The following EFCAB5 variants were observed in gnomAD, a reference collection of about 807,000 sequenced individuals.
EFCAB5 encodes EF-hand calcium-binding domain-containing protein 5.
Under a neutral mutation model 167.9 loss-of-function variants are expected in EFCAB5, and 131 were observed. The observed-to-expected ratio is 0.78, with a 90% CI of 0.68 to 0.90. The LOEUF (loss-of-function observed/expected upper bound fraction) is 0.90, where lower values mean the gene tolerates loss of function less well. EFCAB5 is among the 40% of genes least tolerant of loss of function. The pLI is 0.00. For synonymous variants in EFCAB5, 574 were observed against 602.8 expected, an observed-to-expected ratio of 0.95 and a Z score of 0.70; for missense variants, 1,663 against 1,745.2, an observed-to-expected ratio of 0.95 and a Z score of 0.84.
In EFCAB5 at chr17:30,108,194, T is replaced by A; in HGVS notation, c.*170T>A. The A allele has an allele frequency of 1.5e-6, 1 of 685,656 alleles. No individual in the cohort carries two copies. Among genetic ancestry groups the A allele is most frequent in the African/African-American group, 1.9e-5 (1 of 52,848 alleles). The allele number at this position is 685,656 out of a possible 1,614,324, so 42.5% of individuals were successfully genotyped here. A position where few individuals can be genotyped will look rare whatever the true frequency, so the allele number is the denominator to read the frequency against. The stretch of plus-strand genomic sequence containing the variant: ...CCCAAAAGTGCTACCTAAGAAGAAA[T>A]TTAGCCAAAAAATACCCAGCTAAGG... On this transcript the variant is annotated 3_prime_UTR_variant, in exon 23 of 23. Coordinates refer to ENST00000394835, the MANE Select transcript of EFCAB5 (RefSeq NM_198529.4).
At chr17:30,065,241 T>C (rs1489723708) in intron 14 of EFCAB5, among the ~76,000 whole-genome samples, 2 of 152,006 alleles carry the variant, frequency 1.3e-5, no homozygotes, top group Non-Finnish European at 2.9e-5. Flanking sequence ...GAACAAAGGA[T>C]ATAGAAAGCA....
chr17:29,950,158 C>T (rs145176973), intron 3 of EFCAB5, among the ~76,000 whole-genome samples: 8 of 152,316 alleles, frequency 5.3e-5, no homozygotes, highest in African/African-American at 1.9e-4. Flanking sequence ...CCTCTTCCTC[C>T]TCTCCTCAGT....
intron 4 of EFCAB5, among the ~76,000 whole-genome samples, chr17:29,990,191 A>C (rs756273649): frequency 5.3e-5 from 8 of 152,218 alleles, no homozygotes; most frequent in Non-Finnish European, 1.0e-4. Flanking sequence ...ACTATGTTAA[A>C]TTGAGCGGGT....
At chr17:29,975,466 AG>A (rs1490153325) in intron 4 of EFCAB5, among the ~76,000 whole-genome samples, 23 of 152,250 alleles carry the variant, frequency 1.5e-4, no homozygotes, top group African/African-American at 5.5e-4. Context: ...CATGTTGGCC[AG>A]GCTGGTCTCG....
chr17:29,971,112 T>C lies in EFCAB5; in HGVS notation c.767+1745T>C, dbSNP rs369763750. The stretch of plus-strand genomic sequence containing the variant: ...GATTTTAATGTAGGTTTTGTATCTC[T>C]TTTATTAGATTCATTACTAGTTATT... On this transcript the variant is annotated intron_variant, in intron 4 of 22. Coordinates refer to ENST00000394835, the MANE Select transcript of EFCAB5 (RefSeq NM_198529.4). Among the ~76,000 whole-genome samples the C allele has an allele frequency of 1.3e-4, 20 of 152,126 alleles. No individual in the cohort carries two copies. The South Asian group carries it at 2.5e-3, about 19-fold the overall frequency.
intron 7 of EFCAB5, among the ~76,000 whole-genome samples, chr17:30,013,461 T>C (rs2068955818): frequency 6.6e-6 from 1 of 151,978 alleles, no homozygotes; most frequent in African/African-American, 2.4e-5. Context: ...AAGCTATTAA[T>C]TGTTGCCTCA....
At chr17:30,081,314 T>C (rs1251769059) in intron 17 of EFCAB5, among the ~76,000 whole-genome samples, 1 of 152,216 alleles carries the variant, frequency 6.6e-6, no homozygotes, top group Non-Finnish European at 1.5e-5. Flanking sequence ...AGGGACGTAT[T>C]TGTGTTTTAC....
chr17:30,064,310 G>A (rs1028829519), intron 14 of EFCAB5, among the ~76,000 whole-genome samples: 1 of 151,880 alleles, frequency 6.6e-6, no homozygotes, highest in African/African-American at 2.4e-5. Context: ...TTCAACAAAG[G>A]GATAGAAATC....
chr17:30,040,104 T>C (rs2069729330), intron 8 of EFCAB5, among the ~76,000 whole-genome samples: 1 of 152,222 alleles, frequency 6.6e-6, no homozygotes, highest in African/African-American at 2.4e-5. Flanking sequence ...CCCTTTCCAC[T>C]AGGATGGTCC....
chr17:30,015,543 A>T (rs2069014181), intron 7 of EFCAB5, among the ~76,000 whole-genome samples: 1 of 152,148 alleles, frequency 6.6e-6, no homozygotes, highest in Admixed American at 6.5e-5. Context: ...ACTGTTTTCT[A>T]CTGTAGTTGC....
intron 3 of EFCAB5, among the ~76,000 whole-genome samples, chr17:29,964,971 G>A (rs1000883616): frequency 1.3e-5 from 2 of 150,844 alleles, no homozygotes; most frequent in Admixed American, 6.6e-5. Context: ...GCCTGATCTC[G>A]GCTCACTGCA....
chr17:29,969,646 C>A (rs1389157686), intron 4 of EFCAB5, among the ~76,000 whole-genome samples: 1 of 152,038 alleles, frequency 6.6e-6, no homozygotes, highest in Non-Finnish European at 1.5e-5. Flanking sequence ...GGAAAGTAAG[C>A]TATATGAAAG....
intron 1 of EFCAB5, among the ~76,000 whole-genome samples, chr17:29,935,288 G>A (rs1287126447): frequency 6.6e-6 from 1 of 152,188 alleles, no homozygotes; most frequent in Non-Finnish European, 1.5e-5. Context: ...GTGGGGTGTG[G>A]TGCCTCATGC....
At chr17:30,062,823 G>T (rs959682085) in intron 14 of EFCAB5, among the ~76,000 whole-genome samples, 1 of 152,158 alleles carries the variant, frequency 6.6e-6, no homozygotes, top group Non-Finnish European at 1.5e-5. Context: ...CAAAGCTGAG[G>T]CAGTACTCTG....
chr17:30,034,838 T>A (rs1258143864), intron 8 of EFCAB5, among the ~76,000 whole-genome samples: 1 of 152,174 alleles, frequency 6.6e-6, no homozygotes, highest in Non-Finnish European at 1.5e-5. Flanking sequence ...CCAAACACAC[T>A]ATTAACAATG....
At chr17:29,993,554 C>T (rs1403328175) in intron 5 of EFCAB5, among the ~76,000 whole-genome samples, 1 of 151,458 alleles carries the variant, frequency 6.6e-6, no homozygotes, top group Admixed American at 6.6e-5. Context: ...GCTGAGGTTC[C>T]CAAACTCATC....
intron 1 of EFCAB5, among the ~76,000 whole-genome samples, chr17:29,933,466 C>T (rs1220918111): frequency 6.6e-6 from 1 of 152,168 alleles, no homozygotes; most frequent in Non-Finnish European, 1.5e-5. Flanking sequence ...GAGATATCTT[C>T]TAATAGAGTG....
chr17:29,952,928 A>T (rs1368470652), intron 3 of EFCAB5, among the ~76,000 whole-genome samples: 2 of 152,166 alleles, frequency 1.3e-5, no homozygotes, highest in Non-Finnish European at 2.9e-5. Flanking sequence ...AAAAATTCTT[A>T]TCTCTTGCTA....
intron 7 of EFCAB5, among the ~76,000 whole-genome samples, chr17:30,022,520 A>G (rs1320533070): frequency 6.6e-6 from 1 of 152,144 alleles, no homozygotes; most frequent in Non-Finnish European, 1.5e-5. Context: ...ATTGCTGCTG[A>G]GGGATGCATA....
Sources: gnomAD v4.1 joint callset for allele counts (sites outside exome capture counted in the v4.1 genomes callset) on GRCh38, gnomAD v4.1.1 for gene constraint, MANE v1.5 for transcripts, NCBI Gene and HGNC (gene_info 2026-07-23, HGNC 2026-07-21) for gene names.